Variants in PARVB observed in about 807,000 individuals in gnomAD.
PARVB encodes beta-parvin.
Under a neutral mutation model 47.0 loss-of-function variants are expected in PARVB, and 46 were observed. The observed-to-expected ratio is 0.98, with a 90% CI of 0.77 to 1.25. PARVB has a LOEUF of 1.25. Ranked by LOEUF, PARVB falls within the 50% of genes most tolerant of loss-of-function variation. PARVB has a pLI of 0.00. For missense variants in PARVB, 473 were observed against 471.6 expected (o/e 1.00, Z -0.03); for synonymous variants, 196 against 196.3 (o/e 1.00, Z 0.01).
At chr22:44,050,704 A>G (rs765538856) in intron 1 of PARVB, among the ~76,000 whole-genome samples, 26 of 152,326 alleles carry the variant, frequency 1.7e-4, no homozygotes, top group Middle Eastern at 3.4e-3. Flanking sequence ...TTAGAGAGAC[A>G]GGACTGGGGT....
At chr22:44,144,211 C>T (rs866416461) in intron 8 of PARVB, 1 of 152,320 alleles carries the variant, frequency 6.6e-6, no homozygotes, top group African/African-American at 2.4e-5. Flanking sequence ...TCAGGTCCCC[C>T]CAGCCCTTGG....
chr22:44,004,907 A>C (rs2050448715), intron 2 of PARVB, among the ~76,000 whole-genome samples: 1 of 152,218 alleles, frequency 6.6e-6, no homozygotes, highest in Admixed American at 6.5e-5. Flanking sequence ...AAGGAGAATT[A>C]GGAGCCATTG....
intron 1 of PARVB, among the ~76,000 whole-genome samples, chr22:44,074,150 C>T (rs2051714620): frequency 6.6e-6 from 1 of 152,152 alleles, no homozygotes; most frequent in African/African-American, 2.4e-5. Flanking sequence ...GAAGGGGTCT[C>T]TGGAAACCAG....
intron 1 of PARVB, among the ~76,000 whole-genome samples, chr22:44,050,184 C>T (rs1459194952): frequency 2.6e-5 from 4 of 152,128 alleles, no homozygotes; most frequent in Non-Finnish European, 5.9e-5. Flanking sequence ...TTCAGATATG[C>T]GGCCGTCTTA....
At chr22:44,060,636 C>T (rs981878346) in intron 1 of PARVB, among the ~76,000 whole-genome samples, 2 of 151,922 alleles carry the variant, frequency 1.3e-5, no homozygotes, top group African/African-American at 2.4e-5. Context: ...AGGTGGAATA[C>T]ACCCGGGTTC....
chr22:44,004,464 C>T (rs551454978), intron 2 of PARVB, among the ~76,000 whole-genome samples: 1 of 152,114 alleles, frequency 6.6e-6, no homozygotes, highest in African/African-American at 2.4e-5. Flanking sequence ...GACAGTGGAC[C>T]TTATCTATAC....
intron 8 of PARVB, chr22:44,145,187 A>ACAC (rs2053637781): frequency 6.6e-6 from 1 of 152,304 alleles, no homozygotes; most frequent in Admixed American, 6.5e-5. Context: ...ACTTAGTTCC[A>ACAC]CACCAAGAGC....
chr22:44,104,170 G>A (rs993214632), intron 3 of PARVB: 1 of 152,238 alleles, frequency 6.6e-6, no homozygotes, highest in Non-Finnish European at 1.5e-5. Flanking sequence ...GCCAGACACT[G>A]AGATGCCTGT....
intron 1 of PARVB, among the ~76,000 whole-genome samples, chr22:44,032,234 GA>G (rs2050838469): frequency 6.6e-6 from 1 of 152,114 alleles, no homozygotes; most frequent in Non-Finnish European, 1.5e-5. Context: ...CTGGTTACAA[GA>G]AAAAAATGGA....
chr22:44,122,580 G>GAGAGAGAGAGAC (rs2053091397), intron 4 of PARVB, among the ~76,000 whole-genome samples: 2 of 137,024 alleles, frequency 1.5e-5, no homozygotes, highest in African/African-American at 6.2e-5. Context: ...GAGAGAGAGA[G>GAGAGAGAGAGAC]AGAGAGAGAG....
At chr22:44,116,513 C>T (rs1003509607) in intron 3 of PARVB, among the ~76,000 whole-genome samples, 1 of 152,218 alleles carries the variant, frequency 6.6e-6, no homozygotes, top group African/African-American at 2.4e-5. Flanking sequence ...GTCACCAGAG[C>T]CTGGTCCGCA....
intron 3 of PARVB, chr22:44,111,222 A>AGGGCTAG (rs1354673510): frequency 6.6e-6 from 1 of 152,130 alleles, no homozygotes; most frequent in Non-Finnish European, 1.5e-5. Context: ...TAGTGTGCAC[A>AGGGCTAG]GGGCTAGGGA....
At chr22:44,011,350 C>T (rs1039064207) in intron 2 of PARVB, among the ~76,000 whole-genome samples, 9 of 152,096 alleles carry the variant, frequency 5.9e-5, no homozygotes, top group Non-Finnish European at 2.9e-5. Flanking sequence ...CGGCGGCTCA[C>T]GCCTATAATC....
rs150342069 is a variant in PARVB at position 44,005,393 on chromosome 22, A to G, written c.211+5720A>G. Among the ~76,000 whole-genome samples the G allele has an allele frequency of 3.1e-3, 463 of 148,622 alleles. 4 individuals are homozygous for G. Among genetic ancestry groups the G allele is most frequent in the African/African-American group, 0.011 (442 of 40,442 alleles). On this transcript the variant is annotated intron_variant, in intron 2 of 13. Transcript: ENST00000406477. ...CTCCCAAAGTGCTGAGATTACATGTATGAGGTACCACGCCTGGCCGTTTTT... is the reference window on the plus strand; with the variant it reads ...CTCCCAAAGTGCTGAGATTACATGTGTGAGGTACCACGCCTGGCCGTTTTT...
intron 12 of PARVB, among the ~76,000 whole-genome samples, chr22:44,167,643 G>A (rs2054197095): frequency 6.6e-6 from 1 of 152,072 alleles, no homozygotes; most frequent in Non-Finnish European, 1.5e-5. Flanking sequence ...GTTGGGAGCT[G>A]GGGTGGACTC....
intron 3 of PARVB, among the ~76,000 whole-genome samples, chr22:44,102,354 G>T (rs1043712142): frequency 2.0e-5 from 3 of 152,148 alleles, no homozygotes; most frequent in Non-Finnish European, 4.4e-5. Context: ...TGTTTCATTG[G>T]CTATCTGGGC....
chr22:44,064,976 G>C (rs2051490648), intron 1 of PARVB, among the ~76,000 whole-genome samples: 1 of 152,238 alleles, frequency 6.6e-6, no homozygotes. Flanking sequence ...ATGAAACCAA[G>C]AGGAAATGTA....
rs2054236548 is a variant in PARVB at position 44,169,022 on chromosome 22, A to G, written c.*344A>G. 2 of 211,778 alleles carry G rather than the reference A, an allele frequency of 9.4e-6. No individual in the cohort carries two copies. Among genetic ancestry groups the G allele is most frequent in the Admixed American group, 5.3e-5 (1 of 18,892 alleles). 13.1% of individuals were successfully genotyped at this position (211,778 alleles called of 1,614,324 possible). On this transcript the variant is annotated 3_prime_UTR_variant, in exon 13 of 13. Coordinates refer to ENST00000338758, the MANE Select transcript of PARVB (RefSeq NM_013327.5). ...AAGATGAAAAAAAGCCTGAACCCCA[A>G]CCCCCAGCTGGTTGAGAGCACCCTG... is the stretch of plus-strand genomic sequence containing the variant.
At chr22:44,165,344 G>T (rs1024107733) in intron 12 of PARVB, among the ~76,000 whole-genome samples, 1 of 152,174 alleles carries the variant, frequency 6.6e-6, no homozygotes, top group Non-Finnish European at 1.5e-5. Context: ...TTTGTCCCCT[G>T]CATGCCGGTG....
Sources: gnomAD v4.1 joint callset for allele counts (sites outside exome capture counted in the v4.1 genomes callset) on GRCh38, gnomAD v4.1.1 for gene constraint, MANE v1.5 for transcripts, NCBI Gene and HGNC (gene_info 2026-07-23, HGNC 2026-07-21) for gene names.